DPH6: variants seen among roughly 807,000 people sequenced by gnomAD.
The protein encoded by DPH6 is diphthine--ammonia ligase.
DPH6 carries 33 observed loss-of-function variants against 38.2 expected under a neutral mutation model. That is an observed-to-expected ratio of 0.86 (90% CI 0.65 to 1.15). The LOEUF (loss-of-function observed/expected upper bound fraction) is 1.15, where lower values mean the gene tolerates loss of function less well. Among genes scored for constraint, DPH6 ranks in the 50% most tolerant of loss-of-function variants. The pLI is 0.00. For synonymous variants in DPH6, 108 were observed against 103.0 expected (o/e 1.05, Z -0.30); for missense variants, 325 against 320.0 (o/e 1.02, Z -0.12).
At chr15:35,198,747 T>C in the DPH6 span, among the ~76,000 whole-genome samples, 2 of 152,228 alleles carry the variant, frequency 1.3e-5, no homozygotes, top group African/African-American at 4.8e-5. Context: ...AAAATCATCA[T>C]GCAAGAAAGT....
intron 3 of DPH6, among the ~76,000 whole-genome samples, chr15:35,514,784 A>C (rs1242949835): frequency 1.3e-5 from 2 of 152,210 alleles, no homozygotes; most frequent in African/African-American, 4.8e-5. Flanking sequence ...ATATTAATCA[A>C]AATTATAAGC....
intron 6 of DPH6, among the ~76,000 whole-genome samples, chr15:35,399,391 A>C (rs1462157584): frequency 6.6e-6 from 1 of 152,192 alleles, no homozygotes; most frequent in Non-Finnish European, 1.5e-5. Flanking sequence ...CAAAAGTTAA[A>C]AGTTAAGGAA....
chr15:35,486,516 T>C (rs747255174), intron 3 of DPH6, among the ~76,000 whole-genome samples: 1 of 151,926 alleles, frequency 6.6e-6, no homozygotes, highest in Non-Finnish European at 1.5e-5. Flanking sequence ...GCCACACTTT[T>C]AAATCATCAG....
At chr15:35,199,714 A>T in the DPH6 span, among the ~76,000 whole-genome samples, 3 of 152,258 alleles carry the variant, frequency 2.0e-5, no homozygotes, top group East Asian at 1.9e-4. Flanking sequence ...CAGAAAAAAA[A>T]AAAGAATGGG....
the DPH6 span, among the ~76,000 whole-genome samples, chr15:35,198,652 C>A: frequency 6.6e-6 from 1 of 152,126 alleles, no homozygotes; most frequent in African/African-American, 2.4e-5. Context: ...ATGAAATGTA[C>A]TAAGTTTTTC....
chr15:35,200,560 A>G, the DPH6 span, among the ~76,000 whole-genome samples: 1 of 152,064 alleles, frequency 6.6e-6, no homozygotes, highest in African/African-American at 2.4e-5. Flanking sequence ...CTGCATGCCT[A>G]CTATGTGTTA....
chr15:35,419,534 A>C (rs2053478731), intron 5 of DPH6, among the ~76,000 whole-genome samples: 1 of 152,112 alleles, frequency 6.6e-6, no homozygotes, highest in African/African-American at 2.4e-5. Flanking sequence ...GCACCAAACT[A>C]TATGCTGCCT....
the DPH6 span, among the ~76,000 whole-genome samples, chr15:35,203,492 C>A: frequency 6.6e-6 from 1 of 151,622 alleles, no homozygotes; most frequent in East Asian, 1.9e-4. Flanking sequence ...GATGAAAGAT[C>A]CAATGCTACC....
intron 3 of DPH6, among the ~76,000 whole-genome samples, chr15:35,266,602 T>A (rs2051785407): frequency 6.6e-6 from 1 of 152,236 alleles, no homozygotes; most frequent in South Asian, 2.1e-4. Context: ...AGTTCGATAA[T>A]GCCTGTTAAG....
intron 3 of DPH6, among the ~76,000 whole-genome samples, chr15:35,335,443 G>A (rs1595484879): frequency 6.6e-6 from 1 of 151,882 alleles, no homozygotes; most frequent in Non-Finnish European, 1.5e-5. Context: ...TTTTGCTTTT[G>A]TTATCTTTGT....
chr15:35,192,905 T>C, the DPH6 span, among the ~76,000 whole-genome samples: 1 of 152,144 alleles, frequency 6.6e-6, no homozygotes, highest in African/African-American at 2.4e-5. Flanking sequence ...GACAAGGTTG[T>C]TGCTTTCTAG....
At chr15:35,328,601 G>A (rs1396284988), downstream of DPH6, among the ~76,000 whole-genome samples, 1 of 152,108 alleles carries the variant, frequency 6.6e-6, no homozygotes, top group Non-Finnish European at 1.5e-5. Context: ...AGGAAATAAA[G>A]ACTCAAATTA....
At chr15:35,398,172 A>G (rs1205479350) in intron 6 of DPH6, among the ~76,000 whole-genome samples, 1 of 152,136 alleles carries the variant, frequency 6.6e-6, no homozygotes, top group African/African-American at 2.4e-5. Flanking sequence ...CTTTTGTTCT[A>G]ACATTTGGTC....
In DPH6 at chr15:35,447,659, G is replaced by A. The variant is rs2053873213; in HGVS notation, c.505+3026C>T. Among the ~76,000 whole-genome samples, 4 of 152,146 alleles carry A rather than the reference G, an allele frequency of 2.6e-5. No individual in the cohort carries two copies. In the South Asian group the frequency reaches 8.3e-4, roughly 32 times the overall value. On this transcript the variant is annotated intron_variant, in intron 5 of 8. Transcript: ENST00000256538. Reference sequence around the variant, plus strand: ...CCTTAATTTGCCTACACAGAGTGAAGTTATCCATACCCCTAAAGGCCTTTA... The same window carrying A: ...CCTTAATTTGCCTACACAGAGTGAAATTATCCATACCCCTAAAGGCCTTTA...
chr15:35,321,891 C>T (rs536034716), intron 3 of DPH6, among the ~76,000 whole-genome samples: 7 of 152,210 alleles, frequency 4.6e-5, no homozygotes, highest in Admixed American at 3.3e-4. Context: ...GGAACCTCGC[C>T]CACACAGGAG....
chr15:35,385,944 C>T (rs548053302), intron 6 of DPH6, among the ~76,000 whole-genome samples: 1 of 151,980 alleles, frequency 6.6e-6, no homozygotes, highest in East Asian at 2.0e-4. Context: ...GTGCTGCACC[C>T]ATTAACTCTT....
chr15:35,199,604 T>C, the DPH6 span, among the ~76,000 whole-genome samples: 1 of 152,158 alleles, frequency 6.6e-6, no homozygotes, highest in Non-Finnish European at 1.5e-5. Flanking sequence ...AGAATCCAAA[T>C]TTCTTGACTT....
chr15:35,541,748 A>G (rs1011927734), intron 2 of DPH6, among the ~76,000 whole-genome samples: 18 of 152,164 alleles, frequency 1.2e-4, no homozygotes, highest in Non-Finnish European at 1.5e-5. Flanking sequence ...ATAACACAAT[A>G]GCATTAAAAA....
intron 3 of DPH6, among the ~76,000 whole-genome samples, chr15:35,313,557 T>C (rs2052162392): frequency 1.3e-5 from 2 of 152,178 alleles, no homozygotes; most frequent in Admixed American, 6.5e-5. Flanking sequence ...TTCAGTTCTT[T>C]GGTTAAATTG....
Sources: allele counts gnomAD v4.1 joint callset (sites outside exome capture counted in the v4.1 genomes callset), GRCh38; gene constraint gnomAD v4.1.1; transcripts MANE v1.5; gene names NCBI Gene and HGNC (gene_info 2026-07-23, HGNC 2026-07-21).